The following CAPZA2 variants were observed in gnomAD, a reference collection of about 807,000 sequenced individuals.
The protein encoded by CAPZA2 is capping actin protein of muscle Z-line subunit alpha 2, also known as F-actin-capping protein subunit alpha-2.
Under a neutral mutation model 44.0 loss-of-function variants are expected in CAPZA2, and 13 were observed. The observed-to-expected ratio is 0.30, with a 90% confidence interval of 0.19 to 0.47. The LOEUF (loss-of-function observed/expected upper bound fraction) is 0.47, where lower values mean the gene tolerates loss of function less well. Among genes scored for constraint, CAPZA2 ranks in the 20% least tolerant of loss-of-function variants. The pLI is 1.00. For synonymous variants in CAPZA2, 94 were observed against 108.2 expected, an observed-to-expected ratio of 0.87 and a Z score of 0.81; for missense variants, 244 against 338.6, an observed-to-expected ratio of 0.72 and a Z score of 2.19.
rs538672869 is a variant in CAPZA2 at position 116,882,447 on chromosome 7, G to C, written c.40-5680G>C. On this transcript the variant is annotated intron_variant, in intron 1 of 9. Transcript: ENST00000361183. ...GGTTACCATTCATTACTACCATTAT[G>C]GAATGGGTTGCTTGAAGAATTATTA... Among the ~76,000 whole-genome samples the C allele has an allele frequency of 1.8e-3, 280 of 152,076 alleles. 1 individual carries two copies. Among genetic ancestry groups the C allele is most frequent in the Non-Finnish European group, 3.5e-3 (240 of 67,984 alleles).
intron 1 of CAPZA2, 92 bp downstream of exon 1, chr7:116,862,742 G>C: frequency 7.3e-7 from 1 of 1,376,640 alleles, no homozygotes; most frequent in Non-Finnish European, 9.9e-7. Flanking sequence ...GAAGGGCATT[G>C]GCCCGCAGCT....
At chr7:116,871,160 A>C (rs1268246281) in intron 1 of CAPZA2, among the ~76,000 whole-genome samples, 1 of 152,178 alleles carries the variant, frequency 6.6e-6, no homozygotes, top group Non-Finnish European at 1.5e-5. Flanking sequence ...GGAAGCGTAT[A>C]CTTTATACTT....
intron 3 of CAPZA2, 56 bp downstream of exon 3, chr7:116,893,101 G>A (rs917436460): frequency 9.4e-6 from 11 of 1,167,890 alleles, no homozygotes; most frequent in South Asian, 1.4e-5. Context: ...AACGAGAGAT[G>A]CTTTAAAAGT....
Position 116,898,804 on chromosome 7 carries a change from C to G in CAPZA2, c.188C>G (p.Thr63Ser), listed in dbSNP as rs936162505. 1 of 1,599,148 alleles carries G rather than the reference C, an allele frequency of 6.3e-7. No homozygotes were observed. Among genetic ancestry groups the G allele is most frequent in the Non-Finnish European group, 8.5e-7 (1 of 1,169,654 alleles). The change falls in exon 4 of 10, where the codon ACT becomes AGT. Residue 63 changes from threonine to serine, a missense_variant. Physicochemically the swap from Thr to Ser is moderately conservative, Grantham distance 58. Transcript: ENST00000361183. The stretch of plus-strand genomic sequence containing the variant: ...GCACAGTATAACTTGGACCAGTTTA[C>G]TCCAGTAAAAATTGAAGGTTATGAA... ...AFAQYNLDQFTPVKIEGYEDQ... is the reference protein window; with the variant it reads ...AFAQYNLDQFSPVKIEGYEDQ...
chr7:116,883,005 T>C (rs1206459818), intron 1 of CAPZA2, among the ~76,000 whole-genome samples: 1 of 152,178 alleles, frequency 6.6e-6, no homozygotes, highest in Non-Finnish European at 1.5e-5. Flanking sequence ...ATAAAACTAA[T>C]AACTCTTTCG....
chr7:116,900,974 C>A (rs1319014253), intron 4 of CAPZA2, among the ~76,000 whole-genome samples: 2 of 151,994 alleles, frequency 1.3e-5, no homozygotes, highest in African/African-American at 2.4e-5. Flanking sequence ...CCATTTCAAA[C>A]CAATCAGAAT....
Position 116,883,278 on chromosome 7 carries a change from AT to A in CAPZA2, c.40-4839del, listed in dbSNP as rs889260723. Among the ~76,000 whole-genome samples the A allele has an allele frequency of 1.0e-3, 152 of 150,300 alleles. 1 individual carries two copies. The highest frequency in any genetic ancestry group is 3.0e-3 in the African/African-American group (121 of 41,000). ...TGGGACCTACCTATTGTTAACTGGT[AT>A]TTTTTTTTTCTTTTTTGCATTTAGA... On this transcript the variant is annotated intron_variant, in intron 1 of 9. Coordinates refer to ENST00000361183, the MANE Select transcript of CAPZA2 (RefSeq NM_006136.3).
chr7:116,865,235 G>C (rs1226649064), intron 1 of CAPZA2, among the ~76,000 whole-genome samples: 1 of 141,198 alleles, frequency 7.1e-6, no homozygotes, highest in Admixed American at 7.5e-5. Context: ...ACGCAGGCTG[G>C]AGTGCAGTGG....
chr7:116,868,789 A>G (rs551447510), intron 1 of CAPZA2, among the ~76,000 whole-genome samples: 29 of 152,344 alleles, frequency 1.9e-4, no homozygotes, highest in African/African-American at 6.3e-4. Flanking sequence ...GCAAAAAGCT[A>G]TTAATGTGGA....
chr7:116,884,374 CT>C (rs1796735463), intron 1 of CAPZA2, among the ~76,000 whole-genome samples: 1 of 151,988 alleles, frequency 6.6e-6, no homozygotes, highest in Admixed American at 6.6e-5. Flanking sequence ...AACTCTGTTT[CT>C]TTTTCCTCGT....
intron 5 of CAPZA2, among the ~76,000 whole-genome samples, chr7:116,905,215 A>G (rs1052379031): frequency 1.3e-5 from 2 of 151,768 alleles, no homozygotes; most frequent in African/African-American, 4.8e-5. Context: ...TAAAAATTTC[A>G]TAATATTATT....
chr7:116,911,943 G>T (rs1192958150), intron 7 of CAPZA2, 126 bp from the exon 8 acceptor site: 3 of 1,480,404 alleles, frequency 2.0e-6, no homozygotes, highest in Non-Finnish European at 2.7e-6. Flanking sequence ...AAAAGTTTTG[G>T]GGCTCAGCAG....
chr7:116,890,525 A>AAT (rs869031070), intron 2 of CAPZA2, among the ~76,000 whole-genome samples: 3 of 27,218 alleles, frequency 1.1e-4, no homozygotes, highest in Non-Finnish European at 1.9e-4. Context: ...AAAAAAAAAA[A>AAT]ATATATATAT....
At chr7:116,895,590 G>GA (rs1480496059) in intron 3 of CAPZA2, among the ~76,000 whole-genome samples, 2 of 151,448 alleles carry the variant, frequency 1.3e-5, no homozygotes, top group Admixed American at 1.3e-4. Context: ...ATGACCCTCA[G>GA]AAAAAACTCA....
intron 1 of CAPZA2, among the ~76,000 whole-genome samples, chr7:116,883,954 A>G (rs1025779847): frequency 6.6e-6 from 1 of 152,206 alleles, no homozygotes; most frequent in African/African-American, 2.4e-5. Flanking sequence ...CAAAATTCTA[A>G]AAGTGTTCTG....
chr7:116,881,853 T>G (rs1352256190), intron 1 of CAPZA2, among the ~76,000 whole-genome samples: 2 of 151,496 alleles, frequency 1.3e-5, no homozygotes, highest in African/African-American at 4.8e-5. Flanking sequence ...ATGTCTCTGG[T>G]CTTGCTTAAT....
rs200939374 is a variant in CAPZA2, at chr7:116,906,362, A to G, written c.506+20A>G. 882 of 1,609,222 alleles carry G rather than the reference A, an allele frequency of 5.5e-4. 2 individuals carry two copies. In the Middle Eastern group the frequency reaches 5.6e-3, roughly 10 times the overall value. On this transcript the variant is annotated intron_variant, in intron 6 of 9. Transcript: ENST00000361183. ...TTTTTGGTAAGTTAAAATTTTGGAT[A>G]TTGGGGAGTTTTGGCATTGTTTTAA... is the stretch of plus-strand genomic sequence containing the variant.
chr7:116,897,712 A>C (rs1796945087), intron 3 of CAPZA2, among the ~76,000 whole-genome samples: 1 of 152,070 alleles, frequency 6.6e-6, no homozygotes, highest in South Asian at 2.1e-4. Context: ...TACTCTTGAG[A>C]ATTTTTTCTA....
chr7:116,870,144 T>C (rs1796533438), intron 1 of CAPZA2, among the ~76,000 whole-genome samples: 1 of 152,192 alleles, frequency 6.6e-6, no homozygotes, highest in South Asian at 2.1e-4. Flanking sequence ...AGATTAAGTT[T>C]TAAATTCACT....
Sources: gnomAD v4.1 joint callset for allele counts (sites outside exome capture counted in the v4.1 genomes callset) on GRCh38, gnomAD v4.1.1 for gene constraint, MANE v1.5 for transcripts, NCBI Gene and HGNC (gene_info 2026-07-23, HGNC 2026-07-21) for gene names.